Variants in UPK1B observed in about 807,000 individuals in gnomAD.
UPK1B encodes the protein uroplakin-1b.
UPK1B carries 28 observed loss-of-function variants against 34.2 expected under a neutral mutation model. The observed-to-expected ratio is 0.82, with a 90% CI of 0.61 to 1.12. The LOEUF is 1.12. Among genes scored for constraint, UPK1B ranks in the 50% most tolerant of loss-of-function variants. The probability of loss-of-function intolerance (pLI) is 0.00; values close to 1 mark genes in which losing one functional copy is unlikely to be tolerated. For missense variants in UPK1B, 325 were observed against 320.9 expected (o/e 1.01, Z -0.10); for synonymous variants, 81 against 110.4 (o/e 0.73, Z 1.67).
chr3:119,194,208 T>A lies in UPK1B; in HGVS notation c.469-11T>A. 1 of 1,613,054 alleles carries A rather than the reference T, an allele frequency of 6.2e-7. No homozygotes were observed. The highest frequency in any genetic ancestry group is 8.5e-7 in the Non-Finnish European group (1 of 1,179,510). On this transcript the variant is annotated splice_polypyrimidine_tract_variant and intron_variant, in intron 5 of 7. Transcript: ENST00000264234. ...ACGAAAGAGAATTTTGTATCTCTCATCTGCTGACAGGACAATTGCTGTGGC... is the reference window on the plus strand; with the variant it reads ...ACGAAAGAGAATTTTGTATCTCTCAACTGCTGACAGGACAATTGCTGTGGC...
At chr3:119,201,298 G>A (rs2078089415) in intron 7 of UPK1B, among the ~76,000 whole-genome samples, 1 of 152,172 alleles carries the variant, frequency 6.6e-6, no homozygotes, top group Non-Finnish European at 1.5e-5. Context: ...ATAGTGCTAT[G>A]AAGAAATACC....
intron 7 of UPK1B, 68 bp downstream of exon 7, chr3:119,199,208 T>C: frequency 1.9e-6 from 3 of 1,558,664 alleles, no homozygotes; most frequent in Non-Finnish European, 2.6e-6. Context: ...AGAGTGCCAC[T>C]GGTTACCTCA....
chr3:119,190,219 T>C, intron 3 of UPK1B, 26 bp from the exon 4 acceptor site: 1 of 1,535,856 alleles, frequency 6.5e-7, no homozygotes, highest in Non-Finnish European at 8.9e-7. Context: ...AATGTAATTC[T>C]TTTATCTCAT....
intron 1 of UPK1B, among the ~76,000 whole-genome samples, chr3:119,174,476 C>T (rs1041367057): frequency 1.3e-5 from 2 of 152,152 alleles, no homozygotes; most frequent in African/African-American, 4.8e-5. Flanking sequence ...GAATTCGTAG[C>T]CAGTCACAGT....
At chr3:119,174,492 A>C (rs550440020) in intron 1 of UPK1B, among the ~76,000 whole-genome samples, 1 of 152,340 alleles carries the variant, frequency 6.6e-6, no homozygotes, top group Admixed American at 6.5e-5. Flanking sequence ...ACAGTGGCAC[A>C]TGCCTGCAGT....
rs1314387520 is a variant in UPK1B at position 119,195,114 on chromosome 3, A to T, written c.648+716A>T. On this transcript the variant is annotated intron_variant, in intron 6 of 7. Coordinates refer to ENST00000264234, the MANE Select transcript of UPK1B (RefSeq NM_006952.4). ...AGAGATACTAATAAATACCTTGCTG[A>T]GGTCACACAACTAGTAAATGTCCGT... Among the ~76,000 whole-genome samples the T allele has an allele frequency of 3.9e-5, 6 of 152,314 alleles. No individual in the cohort carries two copies. The East Asian group carries it at 9.6e-4, about 24-fold the overall frequency.
intron 5 of UPK1B, among the ~76,000 whole-genome samples, chr3:119,193,641 G>A (rs2078053106): frequency 6.6e-6 from 1 of 151,934 alleles, no homozygotes; most frequent in African/African-American, 2.4e-5. Context: ...ATGTTTAAAT[G>A]TATAGAAAAG....
intron 3 of UPK1B, 88 bp from the exon 4 acceptor site, chr3:119,190,157 T>C (rs2107432720): frequency 1.9e-6 from 2 of 1,042,508 alleles, no homozygotes; most frequent in Non-Finnish European, 2.9e-6. Flanking sequence ...GATTATATGA[T>C]AAATTTGCTG....
At chr3:119,194,489 T>C (rs2078058001) in intron 6 of UPK1B, 91 bp downstream of exon 6, 3 of 1,227,866 alleles carry the variant, frequency 2.4e-6, no homozygotes, top group Non-Finnish European at 1.1e-6. Context: ...AGTCTTTCAG[T>C]AAGGAATTCT....
At chr3:119,192,692 C>T (rs1400384007) in intron 5 of UPK1B, among the ~76,000 whole-genome samples, 3 of 152,188 alleles carry the variant, frequency 2.0e-5, no homozygotes, top group South Asian at 2.1e-4. Context: ...TTTGCCTTCT[C>T]TCTTGTTATG....
At position 119,186,698 on chromosome 3, in the gene UPK1B, G is replaced by C. The variant is rs760983482; in HGVS notation, c.-28-16G>C. 2.5e-6 allele frequency: 4 copies of C among 1,599,722 alleles called. No individual in the cohort carries two copies. The Admixed American group carries it at 6.7e-5, about 27-fold the overall frequency. ...TTACAGAAACTGTAGCAGTTATTTG[G>C]TAATGCTTTCAACAGTGCCTTCAGC... On this transcript the variant is annotated splice_polypyrimidine_tract_variant and intron_variant, in intron 1 of 7. Transcript: ENST00000264234.
At chr3:119,176,328 T>C (rs556413713) in intron 1 of UPK1B, among the ~76,000 whole-genome samples, 28 of 152,322 alleles carry the variant, frequency 1.8e-4, no homozygotes, top group Non-Finnish European at 2.9e-4. Context: ...CACTTCTTTT[T>C]CTTCTGCTTT....
intron 1 of UPK1B, among the ~76,000 whole-genome samples, chr3:119,185,313 TA>T (rs1292054908): frequency 2.6e-5 from 4 of 152,226 alleles, no homozygotes; most frequent in African/African-American, 9.6e-5. Flanking sequence ...ACAATGAGGT[TA>T]AAATTTAGCA....
chr3:119,179,503 C>A (rs1236329602), intron 1 of UPK1B, among the ~76,000 whole-genome samples: 2 of 53,946 alleles, frequency 3.7e-5, no homozygotes, highest in Non-Finnish European at 8.4e-5. Context: ...GTTGATGTTG[C>A]AGTCTTTTTT....
At chr3:119,200,173 T>G (rs1178951664) in intron 7 of UPK1B, among the ~76,000 whole-genome samples, 2 of 152,200 alleles carry the variant, frequency 1.3e-5, no homozygotes, top group Non-Finnish European at 2.9e-5. Flanking sequence ...TTAATAATAT[T>G]CACCCAGTAG....
At chr3:119,176,311 C>T (rs111815242) in intron 1 of UPK1B, among the ~76,000 whole-genome samples, 1 of 152,098 alleles carries the variant, frequency 6.6e-6, no homozygotes, top group African/African-American at 2.4e-5. Context: ...GCTTACTGGG[C>T]GAGTCTCACT....
In UPK1B at chr3:119,194,256, A is replaced by G. The variant is rs1173073018; in HGVS notation, c.506A>G (p.Gln169Arg). The G allele has an allele frequency of 6.2e-7, 1 of 1,614,066 alleles. No individual in the cohort carries two copies. The highest frequency in any genetic ancestry group is 8.5e-7 in the Non-Finnish European group (1 of 1,179,924). Reference sequence around the variant, plus strand: ...GGCGTAAATGGTCCATCAGACTGGCAAAAATACACATCTGCCTTCCGGACT... The same window carrying G: ...GGCGTAAATGGTCCATCAGACTGGCGAAAATACACATCTGCCTTCCGGACT... ...CCGVNGPSDWQKYTSAFRTEN... is the reference protein window; with the variant it reads ...CCGVNGPSDWRKYTSAFRTEN... Residue 169 changes from glutamine to arginine, a missense_variant, in exon 6 of 8, where the codon CAA becomes CGA. Transcript: ENST00000264234.
intron 1 of UPK1B, among the ~76,000 whole-genome samples, chr3:119,184,822 A>C (rs1408495753): frequency 2.0e-5 from 3 of 152,168 alleles, no homozygotes; most frequent in Admixed American, 2.0e-4. Flanking sequence ...TCGGTGCTGA[A>C]TTTGGCCTCT....
At chr3:119,193,958 C>G in intron 5 of UPK1B, among the ~76,000 whole-genome samples, 1 of 152,148 alleles carries the variant, frequency 6.6e-6, no homozygotes, top group Non-Finnish European at 1.5e-5. Flanking sequence ...GAAACTGAGG[C>G]TTAGACAGTT....
Sources: allele counts gnomAD v4.1 joint callset (sites outside exome capture counted in the v4.1 genomes callset), GRCh38; gene constraint gnomAD v4.1.1; transcripts MANE v1.5; gene names NCBI Gene and HGNC (gene_info 2026-07-23, HGNC 2026-07-21).